XKR9: variants seen among roughly 807,000 people sequenced by gnomAD.
The protein encoded by XKR9 is XK-related protein 9.
In XKR9, 32 loss-of-function variants were observed where a neutral mutation model predicts 32.0. The ratio of observed to expected loss-of-function variants is 1.00; its 90% CI spans 0.76 to 1.34. The LOEUF is 1.34. Among genes scored for constraint, XKR9 ranks in the 40% most tolerant of loss-of-function variants. The pLI is 0.00. For missense variants in XKR9, 546 were observed against 429.7 expected, an observed-to-expected ratio of 1.27 and a Z score of -2.39; for synonymous variants, 168 against 143.4, an observed-to-expected ratio of 1.17 and a Z score of -1.22.
the XKR9 span, among the ~76,000 whole-genome samples, chr8:70,875,407 T>C: frequency 1.1e-4 from 17 of 152,224 alleles, no homozygotes; most frequent in Admixed American, 9.2e-4. Flanking sequence ...AAATCAACTT[T>C]ATAGAGCAGG....
rs1427494751 is a variant in XKR9 at position 70,733,823 on chromosome 8, C to G, written c.521C>G (p.Ala174Gly). ...GCGGCCATCATGGTCTCTTGCTGTG[C>G]TATTTCTTGGTCAACTGTTGATTAT... ...QYAAIMVSCC[A>G]ISWSTVDYQV... Residue 174 changes from alanine to glycine, a missense_variant, in exon 5 of 5, where the codon GCT becomes GGT. Ala to Gly is a moderately conservative substitution (Grantham distance 60). Coordinates refer to ENST00000408926, the MANE Select transcript of XKR9 (RefSeq NM_001011720.2). 6.3e-7 allele frequency: 1 copy of G among 1,586,960 alleles called. No individual in the cohort carries two copies. Among genetic ancestry groups the G allele is most frequent in the African/African-American group, 1.4e-5 (1 of 73,360 alleles).
intron 2 of XKR9, among the ~76,000 whole-genome samples, chr8:70,775,238 T>A (rs373241700): frequency 3.3e-5 from 5 of 152,224 alleles, no homozygotes; most frequent in Non-Finnish European, 2.9e-5. Context: ...TTTTTTGGTA[T>A]TTTTTATGTA....
the XKR9 span, among the ~76,000 whole-genome samples, chr8:70,815,746 C>T: frequency 1.3e-5 from 2 of 151,964 alleles, no homozygotes; most frequent in African/African-American, 4.8e-5. Context: ...AGGATGGTCT[C>T]GATCTCCTGA....
At chr8:70,917,306 C>A in the XKR9 span, among the ~76,000 whole-genome samples, 1,180 of 152,202 alleles carry the variant, frequency 7.8e-3, 7 homozygotes, top group Non-Finnish European at 0.014. Flanking sequence ...TTCCTTGTAC[C>A]GCTTTTTCTT....
chr8:70,762,845 C>G lies in XKR9; in HGVS notation n.353-26494C>G, dbSNP rs1265570573. On this transcript the variant is annotated intron_variant and non_coding_transcript_variant, in intron 2 of 3. Coordinates refer to the XKR9 transcript ENST00000520273. ...TCGGCTACTAGTAATGTTTTCAAGTCTGCTGTAAAACTCAATGAGCTTTAT... is the reference window on the plus strand; with the variant it reads ...TCGGCTACTAGTAATGTTTTCAAGTGTGCTGTAAAACTCAATGAGCTTTAT... Among the ~76,000 whole-genome samples, 3 of 152,116 alleles carry G rather than the reference C, an allele frequency of 2.0e-5. No individual in the cohort carries two copies. The East Asian group carries it at 5.8e-4, about 29-fold the overall frequency.
At chr8:70,782,774 A>G (rs1199602607) in intron 2 of XKR9, among the ~76,000 whole-genome samples, 1 of 152,180 alleles carries the variant, frequency 6.6e-6, no homozygotes, top group Non-Finnish European at 1.5e-5. Flanking sequence ...TAAAAGACTG[A>G]ATAGTATCCT....
intron 2 of XKR9, among the ~76,000 whole-genome samples, chr8:70,786,024 T>C (rs554520336): frequency 2.6e-5 from 4 of 152,042 alleles, no homozygotes; most frequent in Non-Finnish European, 5.9e-5. Context: ...TTTAATTTCT[T>C]CGGTGACCCA....
the XKR9 span, among the ~76,000 whole-genome samples, chr8:70,805,529 G>T: frequency 6.6e-6 from 1 of 152,182 alleles, no homozygotes; most frequent in Non-Finnish European, 1.5e-5. Context: ...GGGAAGGGCG[G>T]CATTCATCTC....
At chr8:71,017,037 G>A in the XKR9 span, among the ~76,000 whole-genome samples, 18 of 152,172 alleles carry the variant, frequency 1.2e-4, no homozygotes, top group African/African-American at 4.1e-4. Flanking sequence ...TGTAAGTTAA[G>A]TATAATCTGG....
At chr8:70,834,572 T>C in the XKR9 span, among the ~76,000 whole-genome samples, 1 of 152,160 alleles carries the variant, frequency 6.6e-6, no homozygotes, top group African/African-American at 2.4e-5. Flanking sequence ...TTCAAAAATA[T>C]ATCTTATTAG....
chr8:70,754,489 G>A (rs531870159), intron 2 of XKR9, among the ~76,000 whole-genome samples: 3 of 140,144 alleles, frequency 2.1e-5, no homozygotes, highest in South Asian at 4.5e-4. Context: ...AAAGCTGGAG[G>A]CATCACGCTA....
chr8:70,945,649 G>A, the XKR9 span, among the ~76,000 whole-genome samples: 1 of 152,156 alleles, frequency 6.6e-6, no homozygotes, highest in Non-Finnish European at 1.5e-5. Flanking sequence ...CTGCTGCAAA[G>A]GAGTATGCAT....
At chr8:71,015,268 T>G in the XKR9 span, among the ~76,000 whole-genome samples, 2 of 152,242 alleles carry the variant, frequency 1.3e-5, no homozygotes, top group African/African-American at 2.4e-5. Context: ...AAACGTCTGT[T>G]TTTGTTGTTA....
chr8:70,976,059 A>T, the XKR9 span, among the ~76,000 whole-genome samples: 2 of 152,216 alleles, frequency 1.3e-5, no homozygotes, highest in African/African-American at 4.8e-5. Context: ...TTATTTGTGT[A>T]TAAGAATGCT....
At chr8:70,977,509 G>A in the XKR9 span, among the ~76,000 whole-genome samples, 5 of 152,316 alleles carry the variant, frequency 3.3e-5, no homozygotes, top group South Asian at 1.0e-3. Flanking sequence ...AGTCATTCAG[G>A]AACATTTTTC....
At chr8:70,910,979 C>T in the XKR9 span, among the ~76,000 whole-genome samples, 2 of 152,214 alleles carry the variant, frequency 1.3e-5, no homozygotes, top group Non-Finnish European at 2.9e-5. Flanking sequence ...TGCTTACTGA[C>T]CTTCTCTTCT....
the XKR9 span, among the ~76,000 whole-genome samples, chr8:70,811,344 A>G: frequency 6.6e-6 from 1 of 152,220 alleles, no homozygotes; most frequent in Non-Finnish European, 1.5e-5. Flanking sequence ...AGCAGGAAAG[A>G]TCTACAATTG....
At chr8:70,903,815 T>A in the XKR9 span, among the ~76,000 whole-genome samples, 6 of 152,204 alleles carry the variant, frequency 3.9e-5, no homozygotes, top group Non-Finnish European at 8.8e-5. Context: ...TCTAAATATG[T>A]CCCAGAGATT....
chr8:70,820,427 G>A, the XKR9 span, among the ~76,000 whole-genome samples: 1 of 152,170 alleles, frequency 6.6e-6, no homozygotes, highest in Non-Finnish European at 1.5e-5. Flanking sequence ...TAAGGGTCTG[G>A]GGATGCTTAC....
Sources: gnomAD v4.1 joint callset for allele counts (sites outside exome capture counted in the v4.1 genomes callset) on GRCh38, gnomAD v4.1.1 for gene constraint, MANE v1.5 for transcripts, NCBI Gene and HGNC (gene_info 2026-07-23, HGNC 2026-07-21) for gene names.